Variants in SMARCA1 observed in about 807,000 individuals in gnomAD.
SMARCA1 encodes the protein SNF2 related chromatin remodeling ATPase 1, also known as SWI/SNF-related matrix-associated actin-dependent regulator of chromatin subfamily A member 1.
A neutral mutation model predicts 93.6 loss-of-function variants in SMARCA1; 17 were observed. The ratio of observed to expected loss-of-function variants is 0.18; its 90% confidence interval spans 0.12 to 0.27. The LOEUF is 0.27. Ranked by LOEUF, SMARCA1 falls within the 10% of genes least tolerant of loss-of-function variation. SMARCA1 has a pLI of 1.00. For synonymous variants in SMARCA1, 271 were observed against 271.4 expected, an observed-to-expected ratio of 1.00 and a Z score of 0.01; for missense variants, 630 against 819.0, an observed-to-expected ratio of 0.77 and a Z score of 2.82.
Position 129,487,106 on chromosome X carries a change from A to G in SMARCA1, c.2129T>C (p.Met710Thr). ...AAAATTTCTTAGAGAAGACTCTCCC[A>G]TTTTTTGCAGGCGTTCATTCATCTC... ...TAEMNERLQK[M>T]GESSLRNFRM... is the part of the protein sequence containing the mutation. The change falls in exon 17 of 25, where the codon ATG (methionine) becomes ACG (threonine). Residue 710 changes from methionine to threonine, a missense_variant. By Grantham distance (81) the Met-to-Thr change is moderately conservative (BLOSUM62 -1). Coordinates refer to ENST00000371121, the MANE Select transcript of SMARCA1 (RefSeq NM_001282874.2). The G allele has an allele frequency of 8.5e-7, 1 of 1,177,019 alleles. No individual in the cohort carries two copies. Among genetic ancestry groups the G allele is most frequent in the Non-Finnish European group, 1.1e-6 (1 of 869,871 alleles).
intron 22 of SMARCA1, 33 bp downstream of exon 22, chrX:129,465,811 G>T: frequency 1.9e-6 from 2 of 1,054,453 alleles, no homozygotes; most frequent in East Asian, 3.1e-5. Context: ...CAATTAAAAC[G>T]ATCTAATAAT....
Position 129,490,064 on chromosome X carries a change from T to C in SMARCA1, c.1944A>G (p.Gln648=), listed in dbSNP as rs753146340. The C allele has an allele frequency of 5.1e-6, 6 of 1,178,784 alleles. No homozygotes were observed. Among genetic ancestry groups the C allele is most frequent in the Admixed American group, 4.5e-5 (2 of 44,610 alleles). Residue 648 remains glutamine, a synonymous_variant, in exon 15 of 25, where the codon CAA becomes CAG. Transcript: ENST00000371121. ...IKLRLDSIVI[Q]QGRLIDQQSN... ...TAAGTTTCTATGTATAAATACCTTG[T>C]TGTATAACAATTGAATCGAGTCTCA...
intron 19 of SMARCA1, among the ~76,000 whole-genome samples, chrX:129,471,962 A>G (rs1309697058): frequency 8.9e-6 from 1 of 112,261 alleles, no homozygotes; most frequent in Admixed American, 9.5e-5. Context: ...AACAGAAATC[A>G]TATATGGTGT....
intron 1 of SMARCA1, chrX:129,518,727 C>T (rs1935287768): frequency 5.9e-6 from 1 of 170,875 alleles, no homozygotes; most frequent in Non-Finnish European, 1.1e-5. Context: ...TGAGCTTTCT[C>T]ATCCATTCTT....
At position 129,493,076 on chromosome X, in the gene SMARCA1, C is replaced by A. The variant is rs1413455984; in HGVS notation, c.1627-1G>T. ...GAAATTCCACTTCTAGGAATTTATC[C>A]TAAGGAAATAATCAGAGATGTGCAC... On this transcript the variant is annotated splice_acceptor_variant, in intron 12 of 24. Coordinates refer to ENST00000371121, the MANE Select transcript of SMARCA1 (RefSeq NM_001282874.2). LOFTEE classifies it high-confidence loss of function. The A allele has an allele frequency of 2.1e-6, 1 of 482,669 alleles. No homozygotes were observed. The highest frequency in any genetic ancestry group is 3.3e-5 in the South Asian group (1 of 30,680). 39.8% of individuals were successfully genotyped at this position (482,669 alleles called of 1,213,427 possible). A position where few individuals can be genotyped will look rare whatever the true frequency, so the allele number is the denominator to read the frequency against.
intron 21 of SMARCA1, 38 bp downstream of exon 21, chrX:129,468,735 G>C (rs1239688394): frequency 1.6e-5 from 17 of 1,042,926 alleles, no homozygotes; most frequent in Non-Finnish European, 2.2e-5. Context: ...AATGAATAAC[G>C]TTAAAATACA....
At position 129,508,063 on chromosome X, in the gene SMARCA1, C is replaced by T; in HGVS notation, c.844G>A (p.Glu282Lys). 1 of 1,178,939 alleles carries T rather than the reference C, an allele frequency of 8.5e-7. No homozygotes were observed. Among genetic ancestry groups the T allele is most frequent in the Non-Finnish European group, 1.1e-6 (1 of 876,795 alleles). The change falls in exon 7 of 25, where the codon GAG (glutamate) becomes AAG (lysine). Residue 282 changes from glutamate to lysine, a missense_variant. Transcript: ENST00000371121. ...AFIRDEMMPGEWDVCVTSYEM... is the reference protein window; with the variant it reads ...AFIRDEMMPGKWDVCVTSYEM... Reference sequence around the variant, plus strand: ...TAAGAAGTAACGCAAACATCCCACTCTCCTGGCATCATTTCATCACGAATA... The same window carrying T: ...TAAGAAGTAACGCAAACATCCCACTTTCCTGGCATCATTTCATCACGAATA...
In SMARCA1 at chrX:129,466,005, A is replaced by C. The variant is rs112010802; in HGVS notation, c.2699-43T>G. ...TTCTTTAAAATCCTATCATTTAAGC[A>C]AATAAATCCAAGGAATTGTAGAATA... On this transcript the variant is annotated intron_variant, in intron 21 of 24. Transcript: ENST00000371121. 5,537 of 638,712 alleles carry C rather than the reference A, an allele frequency of 8.7e-3. 223 individuals are homozygous for C. In the African/African-American group the frequency reaches 0.11, roughly 13 times the overall value. The allele number at this position is 638,712 out of a possible 1,213,427, so 52.6% of individuals were successfully genotyped here.
At chrX:129,504,210 G>A (rs1240928780) in intron 9 of SMARCA1, among the ~76,000 whole-genome samples, 3 of 110,519 alleles carry the variant, frequency 2.7e-5, no homozygotes, top group African/African-American at 3.3e-5. Context: ...CTCGGGAGGC[G>A]GACTTTGCAG....
At chrX:129,471,773 C>G (rs1933135068) in intron 19 of SMARCA1, among the ~76,000 whole-genome samples, 1 of 111,365 alleles carries the variant, frequency 9.0e-6, no homozygotes. Context: ...TTATTGCCTG[C>G]CAAGGTATGT....
chrX:129,451,690 T>C (rs183606164), intron 23 of SMARCA1, among the ~76,000 whole-genome samples: 9 of 105,797 alleles, frequency 8.5e-5, no homozygotes, highest in Non-Finnish European at 1.7e-4. Context: ...TCTCTATAGA[T>C]ACCAGCTCCA....
At chrX:129,482,896 CTGAAT>C (rs1372041402) in intron 17 of SMARCA1, among the ~76,000 whole-genome samples, 1 of 111,637 alleles carries the variant, frequency 9.0e-6, no homozygotes, top group East Asian at 2.8e-4. Flanking sequence ...AATCTAAGGG[CTGAAT>C]TCCAACCTTG....
At chrX:129,469,661 G>A (rs894650279) in intron 20 of SMARCA1, among the ~76,000 whole-genome samples, 11 of 111,814 alleles carry the variant, frequency 9.8e-5, no homozygotes, top group East Asian at 2.8e-4. Context: ...TTGTTCCTAC[G>A]TACTGCCATG....
At chrX:129,490,013 C>T (rs761851016) in intron 15 of SMARCA1, 47 bp downstream of exon 15, 4 of 975,439 alleles carry the variant, frequency 4.1e-6, no homozygotes, top group Non-Finnish European at 5.7e-6. Context: ...AAGAAAACTA[C>T]ATGTGTTTTA....
chrX:129,481,050 A>G (rs1056237422), intron 18 of SMARCA1, 25 bp downstream of exon 18: 4 of 1,009,221 alleles, frequency 4.0e-6, no homozygotes, highest in Non-Finnish European at 4.2e-6. Flanking sequence ...TTTAGGACAT[A>G]AAAACTGGCC....
intron 17 of SMARCA1, among the ~76,000 whole-genome samples, chrX:129,485,841 A>C (rs774644656): frequency 9.0e-6 from 1 of 111,438 alleles, no homozygotes; most frequent in South Asian, 3.8e-4. Flanking sequence ...CTCTGCACAC[A>C]CCAGCTCTCC....
intron 23 of SMARCA1, among the ~76,000 whole-genome samples, chrX:129,449,599 G>A (rs1164721363): frequency 9.0e-6 from 1 of 111,574 alleles, no homozygotes; most frequent in African/African-American, 3.3e-5. Context: ...TCATTAATAC[G>A]GAATATCATA....
Position 129,490,042 on chromosome X carries a change from G to C in SMARCA1, c.1948+18C>G, listed in dbSNP as rs2036079650. On this transcript the variant is annotated intron_variant, in intron 15 of 24. Coordinates refer to ENST00000371121, the MANE Select transcript of SMARCA1 (RefSeq NM_001282874.2). ...TGTTTTACAAAAAACACCTAATTAA[G>C]TTTCTATGTATAAATACCTTGTTGT... 1.7e-5 allele frequency: 19 copies of C among 1,126,745 alleles called. No individual in the cohort carries two copies. Among genetic ancestry groups the C allele is most frequent in the Non-Finnish European group, 2.3e-5 (19 of 829,009 alleles). 92.9% of individuals were successfully genotyped at this position (1,126,745 alleles called of 1,213,427 possible).
chrX:129,492,046 A>G lies in SMARCA1; in HGVS notation c.1710T>C (p.Phe570=). The change falls in exon 14 of 25, where the codon TTT becomes TTC. Residue 570 remains phenylalanine, a synonymous_variant. Coordinates refer to ENST00000371121, the MANE Select transcript of SMARCA1 (RefSeq NM_001282874.2). ...FNAPNSSKFI[F]MLSTRAGGLG... ...GACCTCCAGCCCTGGTACTTAGCAT[A>G]AAGATGAATTTGCTACTATTAGGAG... 1 of 1,187,238 alleles carries G rather than the reference A, an allele frequency of 8.4e-7. No individual in the cohort carries two copies. The highest frequency in any genetic ancestry group is 1.1e-6 in the Non-Finnish European group (1 of 874,115).
Sources: allele counts gnomAD v4.1 joint callset (sites outside exome capture counted in the v4.1 genomes callset), GRCh38; gene constraint gnomAD v4.1.1; transcripts MANE v1.5; gene names NCBI Gene and HGNC (gene_info 2026-07-23, HGNC 2026-07-21).